The following H6PD variants were observed in gnomAD, a reference collection of about 807,000 sequenced individuals.
H6PD encodes the protein hexose-6-phosphate dehydrogenase/glucose 1-dehydrogenase.
In H6PD, 48 loss-of-function variants were observed where a neutral mutation model predicts 61.2. The observed-to-expected ratio is 0.78, with a 90% CI of 0.62 to 1.00. H6PD has a LOEUF of 1.00. Ranked by LOEUF, H6PD falls within the 50% of genes least tolerant of loss-of-function variation. The pLI is 0.00. For synonymous variants in H6PD, 480 were observed against 457.9 expected (o/e 1.05, Z -0.62); for missense variants, 1,093 against 1,065.0 (o/e 1.03, Z -0.37).
chr1:9,246,855 A>G, intron 2 of H6PD, 111 bp from the exon 3 acceptor site: 1 of 811,220 alleles, frequency 1.2e-6, no homozygotes, highest in Non-Finnish European at 2.2e-6. Context: ...CTCAGAGGGC[A>G]TCTTCTGCTC....
chr1:9,238,664 C>G (rs1225033932), intron 1 of H6PD, among the ~76,000 whole-genome samples: 1 of 152,184 alleles, frequency 6.6e-6, no homozygotes, highest in Non-Finnish European at 1.5e-5. Context: ...GGAGAGAAAT[C>G]AGTTCAGTTT....
rs1641458373 is a variant in H6PD at position 9,254,522 on chromosome 1, G to T, written c.745+7439G>T. On this transcript the variant is annotated intron_variant, in intron 3 of 4. Transcript: ENST00000377403. The surrounding 1 kb of genome is among the most constrained non-coding windows in gnomAD (Gnocchi z 4.6). ...TATAATAACTTCTTTGCAGTTCACT[G>T]TGACTTCGTTCCCTCCTACCTTTGT... Among the ~76,000 whole-genome samples the T allele has an allele frequency of 6.6e-6, 1 of 152,100 alleles. No individual in the cohort carries two copies. Among genetic ancestry groups the T allele is most frequent in the Admixed American group, 6.5e-5 (1 of 15,268 alleles).
chr1:9,257,476 AATC>A (rs937606964), intron 3 of H6PD, among the ~76,000 whole-genome samples: 36 of 152,242 alleles, frequency 2.4e-4, no homozygotes, highest in Admixed American at 1.6e-3. Flanking sequence ...TTATCAAAGT[AATC>A]ATGTTGCTTT....
chr1:9,255,065 A>T (rs1641473893), intron 3 of H6PD, among the ~76,000 whole-genome samples: 1 of 152,146 alleles, frequency 6.6e-6, no homozygotes, highest in Non-Finnish European at 1.5e-5. Flanking sequence ...TATTGTATAG[A>T]TATACCATAA....
rs1638488520 is a variant in H6PD, at chr1:9,264,615, A to G, written c.2122A>G (p.Thr708Ala). ...AGCCTCCCTCTTCCCACAGTCACCCACTGGCCTGGATGGCGAGCAGCTGGT... is the reference window on the plus strand; with the variant it reads ...AGCCTCCCTCTTCCCACAGTCACCCGCTGGCCTGGATGGCGAGCAGCTGGT... The part of the protein sequence containing the change: ...HTASLFPQSP[T>A]GLDGEQLVVL... The change falls in exon 5 of 5, where the codon ACT (threonine) becomes GCT (alanine). Residue 708 changes from threonine to alanine, a missense_variant. Thr to Ala is a moderately conservative substitution (Grantham distance 58). Coordinates refer to ENST00000377403, the MANE Select transcript of H6PD (RefSeq NM_004285.4). 1 of 1,613,046 alleles carries G rather than the reference A, an allele frequency of 6.2e-7. No homozygotes were observed. Among genetic ancestry groups the G allele is most frequent in the Non-Finnish European group, 8.5e-7 (1 of 1,179,922 alleles).
Position 9,264,102 on chromosome 1 carries a change from G to A in H6PD, c.1609G>A (p.Ala537Thr), listed in dbSNP as rs1334001896. 1.2e-6 allele frequency: 2 copies of A among 1,613,770 alleles called. No individual in the cohort carries two copies. Among genetic ancestry groups the A allele is most frequent in the Non-Finnish European group, 1.7e-6 (2 of 1,179,986 alleles). The change falls in exon 5 of 5, where the codon GCC (alanine) becomes ACC (threonine). Residue 537 changes from alanine to threonine, a missense_variant. Physicochemically the swap from Ala to Thr is moderately conservative, Grantham distance 58. Transcript: ENST00000377403. ...PEQLVPGPGP[A>T]PMPSDFQVLR... ...GCAGCTGGTGCCAGGGCCAGGGCCG[G>A]CCCCAATGCCCAGTGACTTCCAGGT...
chr1:9,251,876 CTT>C (rs59997183), intron 3 of H6PD, among the ~76,000 whole-genome samples: 4,891 of 139,202 alleles, frequency 0.035, 268 homozygotes, highest in African/African-American at 0.12. Context: ...TCTTAGTTGT[CTT>C]TTTTTTTTTT....
chr1:9,255,318 G>T (rs1641482615), intron 3 of H6PD, among the ~76,000 whole-genome samples: 1 of 151,850 alleles, frequency 6.6e-6, no homozygotes, highest in Non-Finnish European at 1.5e-5. Flanking sequence ...GTCTTTATCT[G>T]TCGCCCTGGC....
chr1:9,257,566 C>T (rs1641558341), intron 3 of H6PD, among the ~76,000 whole-genome samples: 1 of 152,178 alleles, frequency 6.6e-6, no homozygotes, highest in African/African-American at 2.4e-5. Flanking sequence ...ACTGTCTGAA[C>T]GTAGTGCTGT....
intron 2 of H6PD, among the ~76,000 whole-genome samples, chr1:9,246,207 G>A (rs979039253): frequency 1.3e-5 from 2 of 152,182 alleles, no homozygotes; most frequent in African/African-American, 4.8e-5. Context: ...GCCTCCCAAA[G>A]TGCTGGGATT....
Position 9,264,479 on chromosome 1 carries a change from C to T in H6PD, c.1986C>T (p.Leu662=), listed in dbSNP as rs752087811. ...TGCCTGTGCACCTGCAGCAGCGGCT[C>T]TGCGCCGAGGAGGACCAGGGCGCCC... ...HPMPVHLQQR[L]CAEEDQGAQI... is the part of the protein sequence containing the mutation. Residue 662 remains leucine, a synonymous_variant, in exon 5 of 5, where the codon CTC becomes CTT. Transcript: ENST00000377403. 1.3e-5 allele frequency: 21 copies of T among 1,613,290 alleles called. No individual in the cohort carries two copies. Among genetic ancestry groups the T allele is most frequent in the Non-Finnish European group, 1.7e-5 (20 of 1,179,958 alleles).
chr1:9,251,436 CTGTTGTTGTTGTTGTTGT>C (rs58988268), intron 3 of H6PD, among the ~76,000 whole-genome samples: 10 of 151,136 alleles, frequency 6.6e-5, no homozygotes, highest in East Asian at 2.0e-4. Context: ...AGAAGGCCTG[CTGTTGTTGTTGTTGTTGT>C]TGTTGTTGTT....
chr1:9,239,968 C>T, intron 1 of H6PD: 12 of 1,230,902 alleles, frequency 9.7e-6, no homozygotes, highest in Non-Finnish European at 1.1e-5. Flanking sequence ...GGATTCTGAT[C>T]CAAACCCCCT....
rs1224508488 is a variant in H6PD, at chr1:9,262,040, C to T, written c.746-19C>T. On this transcript the variant is annotated intron_variant, in intron 3 of 4. Transcript: ENST00000377403. ...GCCTCTCTTTAGATCCTCCCCACTT[C>T]TCCACCTCCCTCCACCAGGCCGCAC... 2 of 1,613,994 alleles carry T rather than the reference C, an allele frequency of 1.2e-6. No homozygotes were observed. The highest frequency in any genetic ancestry group is 1.7e-5 in the Admixed American group (1 of 60,024).
chr1:9,263,425 A>G, intron 4 of H6PD, 84 bp from the exon 5 acceptor site: 1 of 1,357,994 alleles, frequency 7.4e-7, no homozygotes, highest in South Asian at 1.2e-5. Flanking sequence ...GGACGCCCAG[A>G]GGAGCCGGCA....
intron 3 of H6PD, among the ~76,000 whole-genome samples, chr1:9,253,948 C>G (rs1641442094): frequency 6.6e-6 from 1 of 152,202 alleles, no homozygotes. Context: ...GATATTAACT[C>G]CTTCAGGCCC....
chr1:9,264,459 G>A lies in H6PD; in HGVS notation c.1966G>A (p.Val656Met). 1.9e-6 allele frequency: 3 copies of A among 1,613,302 alleles called. No individual in the cohort carries two copies. The highest frequency in any genetic ancestry group is 1.7e-6 in the Non-Finnish European group (2 of 1,179,968). The change falls in exon 5 of 5, where the codon GTG becomes ATG. Residue 656 changes from valine (V) to methionine (M), a missense_variant. Transcript: ENST00000377403. ...IPYYNIHPMPVHLQQRLCAEE... is the reference protein window; with the variant it reads ...IPYYNIHPMPMHLQQRLCAEE... The stretch of plus-strand genomic sequence containing the variant: ...CTACTACAACATCCACCCCATGCCT[G>A]TGCACCTGCAGCAGCGGCTCTGCGC...
chr1:9,260,609 G>C (rs1174277434), intron 3 of H6PD, among the ~76,000 whole-genome samples: 1 of 152,062 alleles, frequency 6.6e-6, no homozygotes, highest in Non-Finnish European at 1.5e-5. Flanking sequence ...CTGTTATTCT[G>C]ATGTTGTTAT....
rs1340637267 is a variant in H6PD at position 9,270,466 on chromosome 1, A to C, written c.*5597A>C. ...GAAGGACCTGTATTAGCTGGAAATC[A>C]TCAGGAACCCAGCTTGCCTCCATCT... On this transcript the variant is annotated 3_prime_UTR_variant, in exon 5 of 5. Transcript: ENST00000377403. 6.6e-6 allele frequency: 1 copy of C among 152,236 alleles called. No homozygotes were observed. Among genetic ancestry groups the C allele is most frequent in the African/African-American group, 2.4e-5 (1 of 41,464 alleles). The allele number at this position is 152,236 out of a possible 1,614,324, so 9.4% of individuals were successfully genotyped here.
Sources: gnomAD v4.1 joint callset for allele counts (sites outside exome capture counted in the v4.1 genomes callset) on GRCh38, gnomAD v4.1.1 for gene constraint, Gnocchi (gnomAD v3.1) non-coding constraint, MANE v1.5 for transcripts, NCBI Gene and HGNC (gene_info 2026-07-23, HGNC 2026-07-21) for gene names.